Variants in FRMD4A observed in about 807,000 individuals in gnomAD.
The protein encoded by FRMD4A is FERM domain containing 4A, also known as FERM domain-containing protein 4A.
A neutral mutation model predicts 129.1 loss-of-function variants in FRMD4A; 29 were observed. That is an observed-to-expected ratio of 0.22 (90% confidence interval 0.17 to 0.31). The LOEUF is 0.31. Among genes scored for constraint, FRMD4A ranks in the 10% least tolerant of loss-of-function variants. The pLI is 1.00. For missense variants in FRMD4A, 1,272 were observed against 1,375.8 expected (o/e 0.92, Z 1.19); for synonymous variants, 634 against 571.6 (o/e 1.11, Z -1.56).
chr10:13,664,943 C>T (rs535975956), intron 18 of FRMD4A, among the ~76,000 whole-genome samples: 2 of 152,084 alleles, frequency 1.3e-5, no homozygotes, highest in Non-Finnish European at 2.9e-5. Context: ...AGTGCAATGT[C>T]GCAATCTCAG....
intron 6 of FRMD4A, among the ~76,000 whole-genome samples, chr10:13,774,759 C>T (rs943329615): frequency 9.9e-5 from 15 of 151,930 alleles, no homozygotes; most frequent in Non-Finnish European, 4.4e-5. Flanking sequence ...GGCCAGCAGA[C>T]AACTGAGGAA....
At chr10:13,688,541 T>G (rs2085328383) in intron 15 of FRMD4A, among the ~76,000 whole-genome samples, 1 of 150,878 alleles carries the variant, frequency 6.6e-6, no homozygotes, top group African/African-American at 2.5e-5. Flanking sequence ...ACTTAAAGTA[T>G]AATAATAAAA....
At chr10:13,924,921 A>G (rs2178285) in intron 2 of FRMD4A, among the ~76,000 whole-genome samples, 60,760 of 151,436 alleles carry the variant, frequency 0.4, 12,859 homozygotes, top group Non-Finnish European at 0.45. Flanking sequence ...AAAATTAGCT[A>G]GGCGTGGTGG....
chr10:13,748,681 A>G lies in FRMD4A; in HGVS notation c.465-862T>C, dbSNP rs189182993. On this transcript the variant is annotated intron_variant, in intron 8 of 24. Coordinates refer to ENST00000357447, the MANE Select transcript of FRMD4A (RefSeq NM_018027.5). ...CAGGCTGAGCATCCCATATCCCAAA[A>G]TCCCAAATCAGAAATGTGCCAGAAT... is the stretch of plus-strand genomic sequence containing the variant. Among the ~76,000 whole-genome samples the G allele has an allele frequency of 3.5e-3, 528 of 152,202 alleles. 2 individuals are homozygous for G. Among genetic ancestry groups the G allele is most frequent in the African/African-American group, 0.012 (487 of 41,538 alleles).
chr10:14,081,554 T>C (rs780843743), intron 2 of FRMD4A, among the ~76,000 whole-genome samples: 8 of 152,186 alleles, frequency 5.3e-5, no homozygotes, highest in East Asian at 1.9e-4. Flanking sequence ...ATAGGAGCAA[T>C]TGAAGATAAA....
chr10:13,698,551 C>T (rs2031609), intron 14 of FRMD4A, among the ~76,000 whole-genome samples: 30,977 of 152,140 alleles, frequency 0.2, 3,519 homozygotes, highest in Non-Finnish European at 0.25. Context: ...ATTTAATTTG[C>T]GGGCCTTTTA....
At chr10:13,841,027 G>C (rs1269155019) in intron 3 of FRMD4A, among the ~76,000 whole-genome samples, 1 of 152,102 alleles carries the variant, frequency 6.6e-6, no homozygotes, top group Non-Finnish European at 1.5e-5. Flanking sequence ...AGGATGGCTT[G>C]AGCCCAGGAG....
At chr10:14,062,467 A>G (rs1260742659) in intron 2 of FRMD4A, among the ~76,000 whole-genome samples, 2 of 152,212 alleles carry the variant, frequency 1.3e-5, no homozygotes, top group Non-Finnish European at 2.9e-5. Flanking sequence ...GAAGGGAAAG[A>G]AAGTCTTAGC....
intron 2 of FRMD4A, among the ~76,000 whole-genome samples, chr10:14,034,285 T>C (rs968524576): frequency 6.6e-6 from 1 of 152,046 alleles, no homozygotes; most frequent in Non-Finnish European, 1.5e-5. Flanking sequence ...TGGTTGTCTG[T>C]GGCAGGCTGG....
At chr10:13,813,570 A>C (rs1024375152) in intron 3 of FRMD4A, among the ~76,000 whole-genome samples, 1 of 152,252 alleles carries the variant, frequency 6.6e-6, no homozygotes, top group Non-Finnish European at 1.5e-5. Flanking sequence ...CCCACCAAAC[A>C]TCACAGCTTA....
intron 8 of FRMD4A, among the ~76,000 whole-genome samples, chr10:13,760,211 C>T (rs368178858): frequency 6.6e-6 from 1 of 151,678 alleles, no homozygotes; most frequent in African/African-American, 2.4e-5. Flanking sequence ...GATCGTACTG[C>T]GTGCAAAACT....
intron 21 of FRMD4A, 51 bp from the exon 22 acceptor site, chr10:13,657,573 A>C: frequency 8.3e-7 from 1 of 1,209,276 alleles, no homozygotes; most frequent in Non-Finnish European, 1.1e-6. Context: ...GGGCCCAAGG[A>C]GGGGTGCTCC....
At chr10:13,738,355 G>A (rs764486310) in intron 11 of FRMD4A, among the ~76,000 whole-genome samples, 5 of 152,144 alleles carry the variant, frequency 3.3e-5, no homozygotes, top group South Asian at 2.1e-4. Context: ...AACTGTCATC[G>A]ATGGTCAGAG....
At chr10:14,156,161 G>A (rs773788296) in intron 2 of FRMD4A, among the ~76,000 whole-genome samples, 4 of 151,990 alleles carry the variant, frequency 2.6e-5, no homozygotes, top group Non-Finnish European at 5.9e-5. Flanking sequence ...CATGACTTGC[G>A]GTATATTCAC....
intron 2 of FRMD4A, among the ~76,000 whole-genome samples, chr10:14,030,703 TG>T (rs1279268805): frequency 3.3e-5 from 5 of 152,258 alleles, no homozygotes; most frequent in Non-Finnish European, 2.9e-5. Flanking sequence ...ATAGGGCCCC[TG>T]GCAGCCTGGC....
intron 2 of FRMD4A, among the ~76,000 whole-genome samples, chr10:14,233,767 G>A (rs1843710878): frequency 6.6e-6 from 1 of 152,224 alleles, no homozygotes. Flanking sequence ...GGGAGAAGGA[G>A]CGGCAGCTGC....
chr10:13,829,161 T>A (rs1782438076), intron 3 of FRMD4A, among the ~76,000 whole-genome samples: 1 of 152,144 alleles, frequency 6.6e-6, no homozygotes, highest in Non-Finnish European at 1.5e-5. Flanking sequence ...GATCAATGAA[T>A]GAAGGAGTGA....
At chr10:14,251,095 C>G (rs1264387433) in intron 2 of FRMD4A, among the ~76,000 whole-genome samples, 2 of 152,186 alleles carry the variant, frequency 1.3e-5, no homozygotes, top group Non-Finnish European at 2.9e-5. Context: ...AGCCTCAAGA[C>G]AGCCCCCAAT....
chr10:14,261,941 AACACACACACACACACAC>A (rs55763234), intron 2 of FRMD4A, among the ~76,000 whole-genome samples: 16 of 128,230 alleles, frequency 1.2e-4, no homozygotes, highest in Non-Finnish European at 1.3e-4. Context: ...CACCACACCA[AACACACACACACACACAC>A]ACACACACAC....
Sources: allele counts gnomAD v4.1 joint callset (sites outside exome capture counted in the v4.1 genomes callset), GRCh38; gene constraint gnomAD v4.1.1; transcripts MANE v1.5; gene names NCBI Gene and HGNC (gene_info 2026-07-23, HGNC 2026-07-21).